SLC39A11: variants seen among roughly 807,000 people sequenced by gnomAD.
The protein encoded by SLC39A11 is zinc transporter ZIP11.
SLC39A11 carries 33 observed loss-of-function variants against 36.1 expected under a neutral mutation model. That is an observed-to-expected ratio of 0.91 (90% CI 0.69 to 1.22). The LOEUF is 1.22. Ranked by LOEUF, SLC39A11 falls within the 50% of genes most tolerant of loss-of-function variation. The pLI is 0.00. For missense variants in SLC39A11, 432 were observed against 430.3 expected (o/e 1.00, Z -0.03); for synonymous variants, 166 against 170.3 (o/e 0.97, Z 0.20).
At chr17:72,907,441 T>C (rs1598370502) in intron 5 of SLC39A11, among the ~76,000 whole-genome samples, 1 of 152,090 alleles carries the variant, frequency 6.6e-6, no homozygotes, top group African/African-American at 2.4e-5. Flanking sequence ...AGTGAGCCGA[T>C]ATCACACCAT....
intron 7 of SLC39A11, among the ~76,000 whole-genome samples, chr17:72,657,740 G>T (rs1321478119): frequency 6.6e-6 from 1 of 152,218 alleles, no homozygotes; most frequent in Non-Finnish European, 1.5e-5. Context: ...GCAGAGGCAA[G>T]CTAGGGTAAG....
chr17:72,657,825 A>G (rs2070204746), intron 7 of SLC39A11, among the ~76,000 whole-genome samples: 1 of 152,224 alleles, frequency 6.6e-6, no homozygotes, highest in Non-Finnish European at 1.5e-5. Flanking sequence ...AAAAAGCCCT[A>G]CCTAAAACTC....
At chr17:72,866,890 C>A (rs2080329956) in intron 5 of SLC39A11, among the ~76,000 whole-genome samples, 1 of 152,150 alleles carries the variant, frequency 6.6e-6, no homozygotes, top group Non-Finnish European at 1.5e-5. Flanking sequence ...ATCCTAAAAT[C>A]CCCCATAGAT....
At chr17:72,684,662 T>C (rs2071663781) in intron 7 of SLC39A11, among the ~76,000 whole-genome samples, 1 of 152,214 alleles carries the variant, frequency 6.6e-6, no homozygotes, top group Admixed American at 6.5e-5. Flanking sequence ...ACCCCCATGA[T>C]TATGACTTTG....
intron 3 of SLC39A11, among the ~76,000 whole-genome samples, chr17:73,048,570 G>A (rs1038816871): frequency 5.3e-5 from 8 of 152,170 alleles, no homozygotes; most frequent in Non-Finnish European, 1.0e-4. Flanking sequence ...GGATTGCTGG[G>A]TCAAACGGTA....
At chr17:73,065,809 G>A (rs1035370744) in intron 3 of SLC39A11, among the ~76,000 whole-genome samples, 2 of 152,168 alleles carry the variant, frequency 1.3e-5, no homozygotes, top group African/African-American at 4.8e-5. Context: ...TTCCACCAAT[G>A]TTTAAGTTAG....
chr17:72,756,368 C>A (rs2075363931), intron 6 of SLC39A11, among the ~76,000 whole-genome samples: 1 of 152,190 alleles, frequency 6.6e-6, no homozygotes, highest in South Asian at 2.1e-4. Flanking sequence ...GCAGCTCAAA[C>A]CTGGAAGCAA....
At chr17:72,928,755 G>A (rs917914375) in intron 5 of SLC39A11, among the ~76,000 whole-genome samples, 1 of 152,168 alleles carries the variant, frequency 6.6e-6, no homozygotes, top group African/African-American at 2.4e-5. Context: ...TCTAGATAGA[G>A]GTGATACAAA....
chr17:72,793,078 G>A (rs927170430), intron 6 of SLC39A11, among the ~76,000 whole-genome samples: 2 of 152,154 alleles, frequency 1.3e-5, no homozygotes, highest in African/African-American at 4.8e-5. Flanking sequence ...CTGCATCCTG[G>A]AGGCTCTGGT....
intron 3 of SLC39A11, among the ~76,000 whole-genome samples, chr17:73,082,573 T>C (rs1434468871): frequency 6.6e-6 from 1 of 152,202 alleles, no homozygotes; most frequent in Non-Finnish European, 1.5e-5. Flanking sequence ...GATGTTGTGT[T>C]ATAATACTGG....
At chr17:73,043,176 C>T (rs1239780949) in intron 3 of SLC39A11, among the ~76,000 whole-genome samples, 1 of 152,074 alleles carries the variant, frequency 6.6e-6, no homozygotes, top group Non-Finnish European at 1.5e-5. Context: ...GAAGGCTGGA[C>T]ACAATTTGGA....
At chr17:72,974,074 T>G (rs2087654375) in intron 4 of SLC39A11, among the ~76,000 whole-genome samples, 2 of 152,054 alleles carry the variant, frequency 1.3e-5, no homozygotes, top group African/African-American at 4.8e-5. Context: ...TGACCCTTTG[T>G]AGGCCTAGGC....
intron 5 of SLC39A11, among the ~76,000 whole-genome samples, chr17:72,861,103 T>C (rs1436857036): frequency 6.6e-6 from 1 of 152,166 alleles, no homozygotes. Flanking sequence ...CATTTTAACT[T>C]AAATCCAAAA....
chr17:72,739,677 C>A (rs1408214308), intron 6 of SLC39A11, among the ~76,000 whole-genome samples: 2 of 152,156 alleles, frequency 1.3e-5, no homozygotes. Flanking sequence ...CTTAGCAGCC[C>A]ACAGAGAAGG....
At chr17:72,709,108 G>C (rs1378478518) in intron 7 of SLC39A11, among the ~76,000 whole-genome samples, 1 of 151,844 alleles carries the variant, frequency 6.6e-6, no homozygotes, top group Non-Finnish European at 1.5e-5. Flanking sequence ...GCTAATTTTT[G>C]TTGTATTTTT....
chr17:73,060,685 C>T (rs1234909645), intron 3 of SLC39A11, among the ~76,000 whole-genome samples: 1 of 152,090 alleles, frequency 6.6e-6, no homozygotes, highest in Non-Finnish European at 1.5e-5. Context: ...ATTTAGTATA[C>T]TAAATTATAT....
At chr17:72,902,997 C>T (rs1444351479) in intron 5 of SLC39A11, among the ~76,000 whole-genome samples, 3 of 152,122 alleles carry the variant, frequency 2.0e-5, no homozygotes, top group South Asian at 2.1e-4. Flanking sequence ...CCGGGCTCGG[C>T]GGCTCATGCC....
At chr17:72,801,662 T>G (rs1184073018) in intron 6 of SLC39A11, among the ~76,000 whole-genome samples, 2 of 152,198 alleles carry the variant, frequency 1.3e-5, no homozygotes, top group Non-Finnish European at 2.9e-5. Context: ...GTCTAAAAAT[T>G]TACTATGTAT....
At chr17:72,801,152 G>C (rs1232848954) in intron 6 of SLC39A11, among the ~76,000 whole-genome samples, 1 of 152,226 alleles carries the variant, frequency 6.6e-6, no homozygotes, top group African/African-American at 2.4e-5. Context: ...TAGGGCTTGA[G>C]AGGGAATGGG....
Sources: gnomAD v4.1 joint callset for allele counts (sites outside exome capture counted in the v4.1 genomes callset) on GRCh38, gnomAD v4.1.1 for gene constraint, MANE v1.5 for transcripts, NCBI Gene and HGNC (gene_info 2026-07-23, HGNC 2026-07-21) for gene names.